Variants in SUMF1 observed in about 807,000 individuals in gnomAD.
The protein encoded by SUMF1 is formylglycine-generating enzyme.
Under a neutral mutation model 47.6 loss-of-function variants are expected in SUMF1, and 48 were observed. That is an observed-to-expected ratio of 1.01 (90% CI 0.80 to 1.28). The LOEUF is 1.28. Among genes scored for constraint, SUMF1 ranks in the 50% most tolerant of loss-of-function variants. SUMF1 has a pLI of 0.00. For synonymous variants in SUMF1, 230 were observed against 192.1 expected (o/e 1.20, Z -1.63); for missense variants, 571 against 485.4 (o/e 1.18, Z -1.66).
At chr3:4,330,457 G>A (rs794206) in intron 8 of SUMF1, among the ~76,000 whole-genome samples, 1 of 152,156 alleles carries the variant, frequency 6.6e-6, no homozygotes. Flanking sequence ...GTCTTACATG[G>A]TGGCAGGCAA....
intron 9 of SUMF1, among the ~76,000 whole-genome samples, chr3:4,068,024 C>T (rs1210966751): frequency 6.6e-6 from 1 of 152,176 alleles, no homozygotes; most frequent in African/African-American, 2.4e-5. Flanking sequence ...TTAAAATCTT[C>T]CATTCTAAAA....
At chr3:4,227,318 T>A (rs947386547) in intron 8 of SUMF1, among the ~76,000 whole-genome samples, 2 of 152,066 alleles carry the variant, frequency 1.3e-5, no homozygotes, top group African/African-American at 4.8e-5. Flanking sequence ...GCAGAATGGA[T>A]CGCCACCCTG....
chr3:4,413,127 C>A (rs1425317283), intron 6 of SUMF1, among the ~76,000 whole-genome samples: 1 of 152,038 alleles, frequency 6.6e-6, no homozygotes, highest in East Asian at 1.9e-4. Context: ...AGCTCAGCCT[C>A]CCGAGTAGCT....
At chr3:4,164,780 AC>A (rs1386077444) in intron 8 of SUMF1, among the ~76,000 whole-genome samples, 9 of 152,014 alleles carry the variant, frequency 5.9e-5, no homozygotes, top group Non-Finnish European at 1.2e-4. Context: ...TGCTTTTGGA[AC>A]TTTCTCCTGA....
At chr3:4,078,671 T>C (rs1309167455) in intron 8 of SUMF1, among the ~76,000 whole-genome samples, 1 of 151,806 alleles carries the variant, frequency 6.6e-6, no homozygotes, top group East Asian at 1.9e-4. Context: ...AGCAGGAGAA[T>C]CACTTGAGGC....
intron 8 of SUMF1, among the ~76,000 whole-genome samples, chr3:4,263,182 AG>A (rs1171607269): frequency 6.6e-6 from 1 of 152,190 alleles, no homozygotes; most frequent in African/African-American, 2.4e-5. Context: ...CTGTAATATT[AG>A]GTTATCCTTT....
intron 8 of SUMF1, among the ~76,000 whole-genome samples, chr3:4,151,666 C>T (rs1006354899): frequency 6.8e-6 from 1 of 147,146 alleles, no homozygotes; most frequent in African/African-American, 2.6e-5. Context: ...TTGATTTGGG[C>T]CACACACAAA....
At chr3:4,205,853 T>C (rs1270060935) in intron 8 of SUMF1, among the ~76,000 whole-genome samples, 2 of 152,086 alleles carry the variant, frequency 1.3e-5, no homozygotes, top group Non-Finnish European at 2.9e-5. Flanking sequence ...CCACTACCAC[T>C]GGGGATGTGC....
At chr3:4,432,867 T>A (rs368588551) in intron 3 of SUMF1, among the ~76,000 whole-genome samples, 31 of 152,162 alleles carry the variant, frequency 2.0e-4, no homozygotes, top group African/African-American at 7.2e-4. Flanking sequence ...TGGATAAACA[T>A]TATTTTTCAT....
intron 8 of SUMF1, among the ~76,000 whole-genome samples, chr3:4,251,162 G>A (rs1219283229): frequency 6.6e-6 from 1 of 152,126 alleles, no homozygotes; most frequent in Non-Finnish European, 1.5e-5. Context: ...GCACTAATAG[G>A]AGTTTGGAAA....
intron 8 of SUMF1, among the ~76,000 whole-genome samples, chr3:4,296,589 C>T (rs897055237): frequency 1.3e-5 from 2 of 152,230 alleles, no homozygotes; most frequent in Middle Eastern, 3.4e-3. Flanking sequence ...ATAAAACCAT[C>T]AGATCTCATG....
chr3:4,402,225 T>C (rs1468713882), intron 7 of SUMF1, among the ~76,000 whole-genome samples: 2 of 152,156 alleles, frequency 1.3e-5, no homozygotes, highest in Non-Finnish European at 2.9e-5. Flanking sequence ...TTACCCTGAA[T>C]TCCTCAAAAG....
intron 6 of SUMF1, chr3:4,415,021 A>C (rs1379365201): frequency 6.6e-6 from 1 of 152,174 alleles, no homozygotes; most frequent in Non-Finnish European, 1.5e-5. Context: ...AGGCGGGAGG[A>C]TCACCTACCA....
intron 8 of SUMF1, among the ~76,000 whole-genome samples, chr3:4,341,837 C>G (rs1391903395): frequency 6.6e-6 from 1 of 152,134 alleles, no homozygotes; most frequent in Non-Finnish European, 1.5e-5. Context: ...ATATCAAACG[C>G]TATTTATGTG....
chr3:4,109,394 T>C (rs1371894123), intron 8 of SUMF1, among the ~76,000 whole-genome samples: 1 of 152,092 alleles, frequency 6.6e-6, no homozygotes, highest in Non-Finnish European at 1.5e-5. Context: ...AATCTGACAA[T>C]TATGTGTCTT....
At chr3:4,229,460 T>A in intron 8 of SUMF1, 1 of 239,624 alleles carries the variant, frequency 4.2e-6, no homozygotes, top group Non-Finnish European at 8.3e-6. Context: ...CCAGGTAATT[T>A]GAGAAAAACT....
intron 8 of SUMF1, among the ~76,000 whole-genome samples, chr3:4,090,009 T>C (rs760114656): frequency 1.3e-5 from 2 of 152,130 alleles, no homozygotes; most frequent in Non-Finnish European, 2.9e-5. Flanking sequence ...TGAGACTATC[T>C]CAAATCAACA....
chr3:4,248,789 G>C (rs1175016013), intron 8 of SUMF1, among the ~76,000 whole-genome samples: 3 of 152,184 alleles, frequency 2.0e-5, no homozygotes, highest in Admixed American at 6.5e-5. Context: ...AAGGAAACAA[G>C]TATAGGAAAA....
chr3:4,146,913 C>T (rs1694207525), intron 8 of SUMF1, among the ~76,000 whole-genome samples: 2 of 152,096 alleles, frequency 1.3e-5, no homozygotes, highest in South Asian at 4.1e-4. Context: ...ATATGTGCCA[C>T]ATTTTCTTAA....
Sources: gnomAD v4.1 joint callset for allele counts (sites outside exome capture counted in the v4.1 genomes callset) on GRCh38, gnomAD v4.1.1 for gene constraint, MANE v1.5 for transcripts, NCBI Gene and HGNC (gene_info 2026-07-23, HGNC 2026-07-21) for gene names.